Variants in MKS1 observed in about 807,000 individuals in gnomAD.
MKS1 encodes MKS transition zone complex subunit 1.
Under a neutral mutation model 83.7 loss-of-function variants are expected in MKS1, and 70 were observed. The ratio of observed to expected loss-of-function variants is 0.84; its 90% CI spans 0.69 to 1.02. MKS1 has a LOEUF of 1.02. MKS1 is among the 50% of genes least tolerant of loss of function. MKS1 has a pLI of 0.00. For missense variants in MKS1, 681 were observed against 726.9 expected, an observed-to-expected ratio of 0.94 and a Z score of 0.73; for synonymous variants, 251 against 273.4, an observed-to-expected ratio of 0.92 and a Z score of 0.81.
In MKS1 at chr17:58,210,010, A is replaced by G. The variant is rs192151552; in HGVS notation, c.1024+649T>C. ...ACAGATTGGCTGGCTATAGGGAGCT[A>G]GGGAAAGTGAGGGATCAAGGATGTT... On this transcript the variant is annotated intron_variant, in intron 11 of 17. Transcript: ENST00000393119. Among the ~76,000 whole-genome samples, 501 of 152,314 alleles carry G rather than the reference A, an allele frequency of 3.3e-3. 4 individuals are homozygous for G. Among genetic ancestry groups the G allele is most frequent in the Non-Finnish European group, 4.8e-3 (325 of 68,014 alleles).
At chr17:58,216,777 C>A in intron 2 of MKS1, 41 bp from the exon 3 acceptor site, 1 of 1,587,144 alleles carries the variant, frequency 6.3e-7, no homozygotes, top group South Asian at 1.1e-5. Flanking sequence ...TGAGCCAAAC[C>A]AGCACCACTT....
Position 58,206,021 on chromosome 17 carries a change from C to T in MKS1, c.*58G>A. The stretch of plus-strand genomic sequence containing the variant: ...AGAAAGACGAAGAGGCAGGAGAGCA[C>T]TGGCCTCAGATATCCCCCATCTTGT... On this transcript the variant is annotated 3_prime_UTR_variant, in exon 18 of 18. Transcript: ENST00000393119. 1 of 1,562,064 alleles carries T rather than the reference C, an allele frequency of 6.4e-7. No homozygotes were observed. The highest frequency in any genetic ancestry group is 2.4e-5 in the East Asian group (1 of 41,946).
chr17:58,205,655 C>A lies in MKS1; in HGVS notation c.*424G>T. ...AGACTCACAGGCTGGGGATTTAAGA[C>A]CCTCTCACCGTCCACCTTCCTTCCT... On this transcript the variant is annotated 3_prime_UTR_variant, in exon 18 of 18. Transcript: ENST00000393119. 7.6e-7 allele frequency: 1 copy of A among 1,308,140 alleles called. No individual in the cohort carries two copies. The highest frequency in any genetic ancestry group is 5.5e-5 in the East Asian group (1 of 18,206). 81.0% of individuals were successfully genotyped at this position (1,308,140 alleles called of 1,614,324 possible).
intron 9 of MKS1, 153 bp from the exon 10 acceptor site, chr17:58,211,175 A>G: frequency 1.4e-6 from 1 of 698,288 alleles, no homozygotes; most frequent in South Asian, 1.6e-5. Context: ...ACACTTCTCC[A>G]CAGATCTGTT....
At chr17:58,208,810 C>A (rs958886257) in intron 11 of MKS1, among the ~76,000 whole-genome samples, 1 of 151,998 alleles carries the variant, frequency 6.6e-6, no homozygotes, top group Non-Finnish European at 1.5e-5. Flanking sequence ...GAGGTCCCTG[C>A]GGCCTTCCAC....
chr17:58,209,330 T>C lies in MKS1; in HGVS notation c.1025-747A>G, dbSNP rs1968735526. Among the ~76,000 whole-genome samples the C allele has an allele frequency of 6.6e-6, 1 of 152,154 alleles. No homozygotes were observed. The highest frequency in any genetic ancestry group is 2.4e-5 in the African/African-American group (1 of 41,418). On this transcript the variant is annotated intron_variant, in intron 11 of 17. Coordinates refer to ENST00000393119, the MANE Select transcript of MKS1 (RefSeq NM_017777.4). This position sits in a 1 kb window ranked among gnomAD's most constrained non-coding sequence, Gnocchi z 4.1. Reference sequence around the variant, plus strand: ...TGAGTGCCTGCTATGTGCTAGTATATCTTAGGGGTATCTTGGTAACTAGAT... The same window carrying C: ...TGAGTGCCTGCTATGTGCTAGTATACCTTAGGGGTATCTTGGTAACTAGAT...
rs142813109 is a variant in MKS1, at chr17:58,216,714, G to C, written c.213C>G (p.Asp71Glu). 8,308 of 1,614,110 alleles carry C rather than the reference G, an allele frequency of 5.1e-3. 28 individuals are homozygous for C. Among genetic ancestry groups the C allele is most frequent in the Non-Finnish European group, 6.5e-3 (7,617 of 1,179,968 alleles). Residue 71 changes from aspartate to glutamate, a missense_variant, in exon 3 of 18, where the codon GAC becomes GAG. Coordinates refer to ENST00000393119, the MANE Select transcript of MKS1 (RefSeq NM_017777.4). ...PTASGHRPEE[D>E]EEEEIVIGWQ... Reference sequence around the variant, plus strand: ...ACCCAATCACAATCTCCTCCTCTTCGTCTTCCTCTGGGCGGTGTCCACCTC... The same window carrying C: ...ACCCAATCACAATCTCCTCCTCTTCCTCTTCCTCTGGGCGGTGTCCACCTC...
Position 58,219,186 on chromosome 17 carries a change from A to G in MKS1, c.45T>C (p.Tyr15=), listed in dbSNP as rs1969448100. 6.4e-7 allele frequency: 1 copy of G among 1,551,100 alleles called. No homozygotes were observed. Among genetic ancestry groups the G allele is most frequent in the Admixed American group, 2.0e-5 (1 of 50,990 alleles). The part of the protein sequence containing the change: ...VWSTDTGEAV[Y]RSRDPVRNLR... ...AGTTGCGCACGGGGTCCCGGGAGCG[A>G]TACACTGCCTCCCCGGTGTCAGTGC... is the stretch of plus-strand genomic sequence containing the variant. The change falls in exon 1 of 18, where the codon TAT becomes TAC. Residue 15 remains tyrosine (Y), a synonymous_variant. Coordinates refer to ENST00000393119, the MANE Select transcript of MKS1 (RefSeq NM_017777.4).
Position 58,212,401 on chromosome 17 carries a change from G to A in MKS1, c.892C>T (p.Leu298Phe), listed in dbSNP as rs78774579. 4 of 1,614,080 alleles carry A rather than the reference G, an allele frequency of 2.5e-6. No homozygotes were observed. The highest frequency in any genetic ancestry group is 2.7e-5 in the African/African-American group (2 of 74,918). ...YGRHKEYLSS[L>F]VGTDFEMTVP... is the part of the protein sequence containing the mutation. ...ACCATCTCAAAGTCGGTGCCTACGAGGCTGCTGAGATACTCCTTGTGCCGG... is the reference window on the plus strand; with the variant it reads ...ACCATCTCAAAGTCGGTGCCTACGAAGCTGCTGAGATACTCCTTGTGCCGG... The change falls in exon 9 of 18, where the codon CTC (leucine) becomes TTC (phenylalanine). Residue 298 changes from leucine to phenylalanine, a missense_variant. Transcript: ENST00000393119.
Position 58,211,019 on chromosome 17 carries a change from CA to C in MKS1, c.918del (p.Val307SerfsTer9), listed in dbSNP as rs2143778074. 6.2e-7 allele frequency: 1 copy of C among 1,614,040 alleles called. No homozygotes were observed. Among genetic ancestry groups the C allele is most frequent in the Non-Finnish European group, 8.5e-7 (1 of 1,179,960 alleles). ...ACAAAGAGCCGGAGGGCACCTGGGA[CA>C]GTCTAAGGTGAAGAGAAGTGGGAAA... ...SSLVGTDFEM[T>X]VPGALRLFVN... is the part of the protein sequence containing the mutation. On this transcript the variant is annotated frameshift_variant and splice_region_variant, in exon 10 of 18. Transcript: ENST00000393119. LOFTEE classifies it high-confidence loss of function.
intron 4 of MKS1, 38 bp from the exon 5 acceptor site, chr17:58,214,876 C>A: frequency 1.3e-6 from 2 of 1,575,978 alleles, no homozygotes; most frequent in South Asian, 2.3e-5. Context: ...GCCATCTGGT[C>A]AGGGCCACAT....
At chr17:58,213,118 C>T (rs760132386) in intron 7 of MKS1, 28 bp from the exon 8 acceptor site, 7 of 1,606,678 alleles carry the variant, frequency 4.4e-6, no homozygotes, top group Non-Finnish European at 5.1e-6. Flanking sequence ...CAGAAAGGAG[C>T]AACTCTAATA....
At chr17:58,214,205 G>A (rs930473016) in intron 6 of MKS1, 54 bp downstream of exon 6, 27 of 1,612,376 alleles carry the variant, frequency 1.7e-5, no homozygotes, top group Non-Finnish European at 2.1e-5. Context: ...GGGGAGAGCT[G>A]GTGAGAGGAG....
rs1969032519 is a variant in MKS1 at position 58,213,889 on chromosome 17, C to T, written c.645-20G>A. The T allele has an allele frequency of 6.3e-7, 1 of 1,590,622 alleles. No homozygotes were observed. Among genetic ancestry groups the T allele is most frequent in the Non-Finnish European group, 8.6e-7 (1 of 1,158,920 alleles). Reference sequence around the variant, plus strand: ...CCAAGCCTAGAAATCAGGAAAACACCAAGGTTGAGGTCAATGGTCCTTCAG... The same window carrying T: ...CCAAGCCTAGAAATCAGGAAAACACTAAGGTTGAGGTCAATGGTCCTTCAG... On this transcript the variant is annotated intron_variant, in intron 6 of 17. Transcript: ENST00000393119.
At chr17:58,218,826 GC>G in intron 1 of MKS1, 97 bp from the exon 2 acceptor site, 1 of 1,134,006 alleles carries the variant, frequency 8.8e-7, no homozygotes, top group Non-Finnish European at 1.3e-6. Flanking sequence ...AGGTAGGGTT[GC>G]CAAGGTGTGC....
chr17:58,205,451 A>G lies in MKS1; in HGVS notation c.*628T>C. 1.6e-6 allele frequency: 2 copies of G among 1,216,558 alleles called. No homozygotes were observed. Among genetic ancestry groups the G allele is most frequent in the South Asian group, 3.0e-5 (2 of 66,050 alleles). 75.4% of individuals were successfully genotyped at this position (1,216,558 alleles called of 1,614,324 possible). On this transcript the variant is annotated 3_prime_UTR_variant, in exon 18 of 18. Coordinates refer to ENST00000393119, the MANE Select transcript of MKS1 (RefSeq NM_017777.4). ...CCAACAGAACATCAGTCAAAATAAA[A>G]GGGGTTTATGTAACAAAAAACAAAA...
intron 4 of MKS1, among the ~76,000 whole-genome samples, chr17:58,215,363 G>A (rs989000448): frequency 1.4e-4 from 21 of 152,130 alleles, no homozygotes; most frequent in Middle Eastern, 3.2e-3. Flanking sequence ...TGGCTCAAGT[G>A]ATCCTCCCGC....
intron 10 of MKS1, 115 bp from the exon 11 acceptor site, chr17:58,210,839 C>T: frequency 7.0e-7 from 1 of 1,436,776 alleles, no homozygotes; most frequent in Non-Finnish European, 9.8e-7. Flanking sequence ...GCCAGGAACC[C>T]TCTGCGTTTC....
At position 58,207,124 on chromosome 17, in the gene MKS1, C is replaced by T. The variant is rs1968563187; in HGVS notation, c.1368G>A (p.Leu456=). 1 of 1,614,058 alleles carries T rather than the reference C, an allele frequency of 6.2e-7. No individual in the cohort carries two copies. Among genetic ancestry groups the T allele is most frequent in the South Asian group, 1.1e-5 (1 of 91,080 alleles). The change falls in exon 15 of 18, where the codon CTG becomes CTA. Residue 456 remains leucine, a synonymous_variant. Transcript: ENST00000393119. ...GTATCCGTACATAGGAGAGGTCCTC[C>T]AGTTCCAGAGAACCGCCAATGAAAA... ...RRFFIGGSLE[L]EDLSYVRIPG... is the part of the protein sequence containing the mutation.
Sources: allele counts gnomAD v4.1 joint callset (sites outside exome capture counted in the v4.1 genomes callset), GRCh38; gene constraint gnomAD v4.1.1; non-coding constraint Gnocchi (gnomAD v3.1); transcripts MANE v1.5; gene names NCBI Gene and HGNC (gene_info 2026-07-23, HGNC 2026-07-21).